Variants in EXOC2 observed in about 807,000 individuals in gnomAD.
EXOC2 encodes the protein SEC5-like 1.
In EXOC2, 70 loss-of-function variants were observed where a neutral mutation model predicts 131.8. That is an observed-to-expected ratio of 0.53 (90% CI 0.44 to 0.65). EXOC2 has a LOEUF of 0.65. Among genes scored for constraint, EXOC2 ranks in the 30% least tolerant of loss-of-function variants. The probability of loss-of-function intolerance (pLI) is 0.00; values close to 1 mark genes in which losing one functional copy is unlikely to be tolerated. For synonymous variants in EXOC2, 411 were observed against 398.4 expected (o/e 1.03, Z -0.38); for missense variants, 923 against 1,108.6 (o/e 0.83, Z 2.38).
intron 23 of EXOC2, among the ~76,000 whole-genome samples, chr6:520,913 TGAAAATCACCACCCAC>T (rs1765398698): frequency 2.4e-4 from 31 of 131,190 alleles, no homozygotes; most frequent in Middle Eastern, 5.1e-3. Context: ...CACTCGGACA[TGAAAATCACCACCCAC>T]CGAGCGCCAA....
In EXOC2 at chr6:486,140, ATT is replaced by A. The variant is rs1763029631; in HGVS notation, c.*529_*530del. On this transcript the variant is annotated 3_prime_UTR_variant, in exon 28 of 28. Transcript: ENST00000230449. ...ATATGTATTTTAATGGAGACCATAA[ATT>A]TTTCCAAAAACCCGCTTGAATTAGA... 1 of 152,234 alleles carries A rather than the reference ATT, an allele frequency of 6.6e-6. No homozygotes were observed. The highest frequency in any genetic ancestry group is 2.1e-4 in the South Asian group (1 of 4,828). The allele number at this position is 152,234 out of a possible 1,614,324, so 9.4% of individuals were successfully genotyped here.
chr6:568,435 G>A (rs1014647304), intron 13 of EXOC2, among the ~76,000 whole-genome samples: 2 of 152,234 alleles, frequency 1.3e-5, no homozygotes, highest in African/African-American at 2.4e-5. Context: ...GGAGCTTACA[G>A]CATCGGCCAT....
At chr6:656,660 C>T (rs767205613) in intron 1 of EXOC2, 3 of 1,607,184 alleles carry the variant, frequency 1.9e-6, no homozygotes, top group South Asian at 1.1e-5. Context: ...AGGACGCGCC[C>T]GCTGCGCTTC....
At chr6:510,756 A>T (rs1161119025) in intron 23 of EXOC2, among the ~76,000 whole-genome samples, 4 of 152,246 alleles carry the variant, frequency 2.6e-5, no homozygotes, top group African/African-American at 9.6e-5. Flanking sequence ...AATTTTAGAC[A>T]TAAAGGTAGA....
At chr6:672,020 T>C (rs921746494) in intron 1 of EXOC2, among the ~76,000 whole-genome samples, 2 of 152,174 alleles carry the variant, frequency 1.3e-5, no homozygotes, top group Non-Finnish European at 2.9e-5. Flanking sequence ...TTACGGCAAA[T>C]ATTTCTTCTG....
Position 632,981 on chromosome 6 carries a change from G to C in EXOC2, c.255C>G (p.Thr85=). 1 of 1,614,034 alleles carries C rather than the reference G, an allele frequency of 6.2e-7. No individual in the cohort carries two copies. The highest frequency in any genetic ancestry group is 8.5e-7 in the Non-Finnish European group (1 of 1,179,980). ...TGAGTAGCTTGAAAGAGACTGTTGA[G>C]GTTCCTCTGCCACCTGACTTAGTGG... is the stretch of plus-strand genomic sequence containing the variant. The part of the protein sequence containing the change: ...IVTTKSGGRG[T]STVSFKLLKP... The change falls in exon 3 of 28, where the codon ACC becomes ACG. Residue 85 remains threonine (T), a synonymous_variant. Coordinates refer to ENST00000230449, the MANE Select transcript of EXOC2 (RefSeq NM_018303.6).
chr6:578,732 TAAG>T (rs1224606747), intron 11 of EXOC2, among the ~76,000 whole-genome samples: 1 of 152,152 alleles, frequency 6.6e-6, no homozygotes, highest in African/African-American at 2.4e-5. Flanking sequence ...AAAGCTAAGA[TAAG>T]AAGACTTATA....
intron 13 of EXOC2, among the ~76,000 whole-genome samples, chr6:566,063 A>AT (rs1036710826): frequency 3.3e-5 from 5 of 152,082 alleles, no homozygotes; most frequent in African/African-American, 1.2e-4. Context: ...AGCTTTTATC[A>AT]TTTTTTTCTT....
chr6:521,617 C>G (rs1471993522), intron 23 of EXOC2, among the ~76,000 whole-genome samples: 1 of 151,944 alleles, frequency 6.6e-6, no homozygotes, highest in Non-Finnish European at 1.5e-5. Flanking sequence ...GCCTTGACCT[C>G]CCAGGCTCAC....
chr6:657,129 A>C, intron 1 of EXOC2: 1 of 440,932 alleles, frequency 2.3e-6, no homozygotes, highest in Non-Finnish European at 3.9e-6. Flanking sequence ...CTAGGCCTGG[A>C]GCCACGGAAG....
At chr6:593,919 T>C (rs998014000) in intron 10 of EXOC2, among the ~76,000 whole-genome samples, 2 of 152,216 alleles carry the variant, frequency 1.3e-5, no homozygotes, top group Non-Finnish European at 2.9e-5. Flanking sequence ...AATAAAATGC[T>C]GAGAACACTG....
chr6:518,596 G>A (rs1405050054), intron 23 of EXOC2, among the ~76,000 whole-genome samples: 1 of 152,158 alleles, frequency 6.6e-6, no homozygotes, highest in Non-Finnish European at 1.5e-5. Context: ...CCAACAACTA[G>A]CTTTATTGAA....
intron 1 of EXOC2, among the ~76,000 whole-genome samples, chr6:665,373 G>T (rs1206005430): frequency 6.6e-6 from 1 of 152,140 alleles, no homozygotes; most frequent in Admixed American, 6.5e-5. Flanking sequence ...AAAACAGTGT[G>T]GAGATTCCTT....
chr6:562,508 T>G (rs1757753449), intron 17 of EXOC2, among the ~76,000 whole-genome samples: 1 of 152,250 alleles, frequency 6.6e-6, no homozygotes. Context: ...AATTTAGAAT[T>G]GAGCATACTC....
chr6:629,975 G>C lies in EXOC2; in HGVS notation c.296-14C>G. On this transcript the variant is annotated splice_polypyrimidine_tract_variant and intron_variant, in intron 3 of 27. Transcript: ENST00000230449. ...GATCCAAAATGCCTACAGAAATGAGGAGCATATGCTTAATAAGATGAAGCC... is the reference window on the plus strand; with the variant it reads ...GATCCAAAATGCCTACAGAAATGAGCAGCATATGCTTAATAAGATGAAGCC... 6.2e-7 allele frequency: 1 copy of C among 1,613,030 alleles called. No individual in the cohort carries two copies. Among genetic ancestry groups the C allele is most frequent in the South Asian group, 1.1e-5 (1 of 90,864 alleles).
Position 532,568 on chromosome 6 carries a change from CAA to C in EXOC2, c.2279_2280del (p.Phe760Ter). On this transcript the variant is annotated frameshift_variant, in exon 23 of 28. Coordinates refer to ENST00000230449, the MANE Select transcript of EXOC2 (RefSeq NM_018303.6). LOFTEE classifies it high-confidence loss of function. Reference sequence around the variant, plus strand: ...TCTGCTTTCAACTCGATGTAATTTTCAAAGAGTCTTTGATCTAGTTCTTTCAA... The same window carrying C: ...TCTGCTTTCAACTCGATGTAATTTTCAGAGTCTTTGATCTAGTTCTTTCAA... ...ASLKELDQRL[F>X]ENYIELKADP... is the part of the protein sequence containing the mutation. 5.0e-6 allele frequency: 8 copies of C among 1,609,052 alleles called. No homozygotes were observed. The highest frequency in any genetic ancestry group is 6.8e-6 in the Non-Finnish European group (8 of 1,178,428).
At chr6:490,696 C>T (rs908520996) in intron 26 of EXOC2, among the ~76,000 whole-genome samples, 2 of 152,162 alleles carry the variant, frequency 1.3e-5, no homozygotes. Flanking sequence ...CTTCACTTCA[C>T]CTACTGATAT....
chr6:647,353 C>G (rs1762619837), intron 1 of EXOC2, among the ~76,000 whole-genome samples: 1 of 151,506 alleles, frequency 6.6e-6, no homozygotes, highest in Non-Finnish European at 1.5e-5. Flanking sequence ...ATCAGACTGT[C>G]AGAGATCCTC....
At chr6:558,025 AG>A (rs563404899) in intron 17 of EXOC2, among the ~76,000 whole-genome samples, 65 of 152,348 alleles carry the variant, frequency 4.3e-4, no homozygotes, top group Non-Finnish European at 6.3e-4. Context: ...CATCCGGAGC[AG>A]CGAGACATGG....
Sources: allele counts gnomAD v4.1 joint callset (sites outside exome capture counted in the v4.1 genomes callset), GRCh38; gene constraint gnomAD v4.1.1; transcripts MANE v1.5; gene names NCBI Gene and HGNC (gene_info 2026-07-23, HGNC 2026-07-21).